FASTKD2: variants seen among roughly 807,000 people sequenced by gnomAD.
FASTKD2 encodes the protein FAST kinase domain-containing protein 2, mitochondrial.
Under a neutral mutation model 63.6 loss-of-function variants are expected in FASTKD2, and 51 were observed. The ratio of observed to expected loss-of-function variants is 0.80; its 90% CI spans 0.64 to 1.01. FASTKD2 has a LOEUF of 1.01. Ranked by LOEUF, FASTKD2 falls within the 50% of genes least tolerant of loss-of-function variation. The pLI is 0.00. For missense variants in FASTKD2, 786 were observed against 831.1 expected (o/e 0.95, Z 0.67); for synonymous variants, 284 against 293.4 (o/e 0.97, Z 0.33).
Position 206,771,210 on chromosome 2 carries a change from A to G in FASTKD2, c.910A>G (p.Ile304Val), listed in dbSNP as rs1559360013. 4 of 1,607,430 alleles carry G rather than the reference A, an allele frequency of 2.5e-6. No homozygotes were observed. The Admixed American group carries it at 5.0e-5, about 20-fold the overall frequency. The change falls in exon 4 of 12, where the codon ATA becomes GTA. Residue 304 changes from isoleucine (I) to valine (V), a missense_variant. Coordinates refer to ENST00000402774, the MANE Select transcript of FASTKD2 (RefSeq NM_001136193.2). ...RILVDQQVWK[I>V]EDVFTLQVVM... is the part of the protein sequence containing the mutation. ...ACTAGTTGATCAGCAAGTTTGGAAAATAGAAGATGTCTTCACATTACAAGT... is the reference window on the plus strand; with the variant it reads ...ACTAGTTGATCAGCAAGTTTGGAAAGTAGAAGATGTCTTCACATTACAAGT...
chr2:206,786,689 G>A (rs1235597285), intron 7 of FASTKD2, 44 bp from the exon 8 acceptor site: 3 of 1,536,926 alleles, frequency 2.0e-6, no homozygotes, highest in African/African-American at 1.4e-5. Context: ...ACAGATATTG[G>A]CCTTCTGTAT....
intron 7 of FASTKD2, 108 bp downstream of exon 7, chr2:206,774,505 A>AT: frequency 1.4e-6 from 1 of 735,052 alleles, no homozygotes; most frequent in South Asian, 1.7e-5. Context: ...CATAGTCATC[A>AT]TCCATGCCAA....
At chr2:206,789,061 A>G (rs1250844225) in intron 10 of FASTKD2, 158 bp downstream of exon 10, 4 of 649,586 alleles carry the variant, frequency 6.2e-6, no homozygotes, top group East Asian at 2.8e-5. Context: ...CTCCTTAGAA[A>G]GTGTAAATGT....
intron 7 of FASTKD2, among the ~76,000 whole-genome samples, chr2:206,777,900 T>G (rs575393806): frequency 6.6e-6 from 1 of 152,312 alleles, no homozygotes; most frequent in East Asian, 1.9e-4. Context: ...TTCTAGGAAT[T>G]TATTCATTTC....
intron 4 of FASTKD2, 146 bp from the exon 5 acceptor site, chr2:206,771,748 G>A: frequency 1.5e-6 from 1 of 653,906 alleles, no homozygotes; most frequent in Non-Finnish European, 2.7e-6. Flanking sequence ...CAGCTACATG[G>A]GCGGCTGAGG....
chr2:206,767,443 G>C lies in FASTKD2; in HGVS notation c.750G>C (p.Leu250Phe). The C allele has an allele frequency of 6.2e-7, 1 of 1,611,992 alleles. No homozygotes were observed. Among genetic ancestry groups the C allele is most frequent in the Middle Eastern group, 1.6e-4 (1 of 6,062 alleles). The change falls in exon 2 of 12, where the codon TTG becomes TTC. Residue 250 changes from leucine (L) to phenylalanine (F), a missense_variant. Leu to Phe is a conservative substitution (Grantham distance 22). Coordinates refer to ENST00000402774, the MANE Select transcript of FASTKD2 (RefSeq NM_001136193.2). ...VKLGIPQNTI[L>F]VQTLLRVTQE... ...TTGGAATCCCTCAGAACACTATTTT[G>C]GTGCAGACTTTGCTGAGGGTGACCC...
At chr2:206,772,848 A>C (rs1478227161) in intron 6 of FASTKD2, among the ~76,000 whole-genome samples, 1 of 152,208 alleles carries the variant, frequency 6.6e-6, no homozygotes, top group Non-Finnish European at 1.5e-5. Flanking sequence ...AGGCTAAGCT[A>C]TGATGTTCAG....
In FASTKD2 at chr2:206,767,083, G is replaced by A; in HGVS notation, c.390G>A (p.Leu130=). Residue 130 remains leucine, a synonymous_variant, in exon 2 of 12, where the codon TTG becomes TTA. Transcript: ENST00000402774. ...CTGTTGATAAATCTGATGATGAATT[G>A]AAGAAAGTAAACCTTAATCATGAAG... ...LVPVDKSDDE[L]KKVNLNHEVS... 1 of 1,614,120 alleles carries A rather than the reference G, an allele frequency of 6.2e-7. No homozygotes were observed. The highest frequency in any genetic ancestry group is 8.5e-7 in the Non-Finnish European group (1 of 1,180,010).
At chr2:206,788,949 C>T in intron 10 of FASTKD2, 46 bp downstream of exon 10, 3 of 1,014,946 alleles carry the variant, frequency 3.0e-6, no homozygotes, top group South Asian at 1.3e-5. Context: ...AATTAAAATC[C>T]TAATTCTAAA....
intron 3 of FASTKD2, 111 bp downstream of exon 3, chr2:206,770,305 G>T: frequency 1.3e-6 from 1 of 760,454 alleles, no homozygotes; most frequent in South Asian, 1.4e-5. Flanking sequence ...GGAGGGGTTG[G>T]GGAGGCTTTG....
At position 206,771,928 on chromosome 2, in the gene FASTKD2, T is replaced by C; in HGVS notation, c.1025T>C (p.Val342Ala). ...TTGAGGGAATTAGACAGATTTTCTG[T>C]TTTGAATAGCCAACACATGTTTGAA... ...KALRELDRFS[V>A]LNSQHMFEVL... The change falls in exon 5 of 12, where the codon GTT (valine) becomes GCT (alanine). Residue 342 changes from valine (V) to alanine (A), a missense_variant. Physicochemically the swap from Val to Ala is moderately conservative, Grantham distance 64. Coordinates refer to ENST00000402774, the MANE Select transcript of FASTKD2 (RefSeq NM_001136193.2). The C allele has an allele frequency of 1.9e-6, 3 of 1,610,438 alleles. No homozygotes were observed. Among genetic ancestry groups the C allele is most frequent in the Non-Finnish European group, 1.7e-6 (2 of 1,176,648 alleles).
At chr2:206,787,266 ATTT>A (rs1690161922) in intron 8 of FASTKD2, among the ~76,000 whole-genome samples, 1 of 152,090 alleles carries the variant, frequency 6.6e-6, no homozygotes, top group African/African-American at 2.4e-5. Flanking sequence ...ACCTAAGTCA[ATTT>A]TTGCAGCTGT....
intron 3 of FASTKD2, 136 bp from the exon 4 acceptor site, chr2:206,771,046 C>G (rs75607323): frequency 3.1e-6 from 2 of 644,614 alleles, no homozygotes; most frequent in South Asian, 3.6e-5. Flanking sequence ...TACTTACACT[C>G]TCTCAAGCAG....
intron 7 of FASTKD2, among the ~76,000 whole-genome samples, chr2:206,777,932 G>T (rs370002186): frequency 6.6e-6 from 1 of 151,870 alleles, no homozygotes; most frequent in East Asian, 1.9e-4. Flanking sequence ...CCAATTTGTT[G>T]GCATACAGTT....
chr2:206,775,873 T>A (rs1291773820), intron 7 of FASTKD2, among the ~76,000 whole-genome samples: 1 of 151,906 alleles, frequency 6.6e-6, no homozygotes, highest in East Asian at 1.9e-4. Context: ...TCTCCACATC[T>A]TCTCCAACAC....
Position 206,767,155 on chromosome 2 carries a change from CA to C in FASTKD2, c.463del (p.Ser155AlafsTer12). The C allele has an allele frequency of 6.2e-7, 1 of 1,614,154 alleles. No individual in the cohort carries two copies. The highest frequency in any genetic ancestry group is 8.5e-7 in the Non-Finnish European group (1 of 1,179,996). On this transcript the variant is annotated frameshift_variant, in exon 2 of 12. Transcript: ENST00000402774. LOFTEE classifies it high-confidence loss of function. ...CCAAGGAAACAAAACCAAACCGTATCAGCAGTAGAAAACTGTCTGAGGAATG... is the reference window on the plus strand; with the variant it reads ...CCAAGGAAACAAAACCAAACCGTATCGCAGTAGAAAACTGTCTGAGGAATG... ...LTKETKPNRISSRKLSEECNS... is the reference protein window; with the variant it reads ...LTKETKPNRIXSRKLSEECNS...
intron 11 of FASTKD2, 58 bp from the exon 12 acceptor site, chr2:206,791,625 C>G: frequency 6.4e-7 from 1 of 1,552,248 alleles, no homozygotes; most frequent in Non-Finnish European, 8.9e-7. Flanking sequence ...GATCTCTAAA[C>G]TAGCTCTTTT....
chr2:206,772,154 G>T (rs770686562), intron 5 of FASTKD2, 27 bp from the exon 6 acceptor site: 4 of 1,606,218 alleles, frequency 2.5e-6, no homozygotes, highest in Admixed American at 1.7e-5. Flanking sequence ...GGTAATTTTT[G>T]TTTGTTTATT....
intron 7 of FASTKD2, among the ~76,000 whole-genome samples, chr2:206,780,123 T>A (rs1689931980): frequency 6.6e-6 from 1 of 152,230 alleles, no homozygotes; most frequent in Admixed American, 6.5e-5. Flanking sequence ...ATAGTTTTTT[T>A]AACATTTATA....
Sources: gnomAD v4.1 joint callset for allele counts (sites outside exome capture counted in the v4.1 genomes callset) on GRCh38, gnomAD v4.1.1 for gene constraint, MANE v1.5 for transcripts, NCBI Gene and HGNC (gene_info 2026-07-23, HGNC 2026-07-21) for gene names.